The following DNAH9 variants were observed in gnomAD, a reference collection of about 807,000 sequenced individuals.
The protein encoded by DNAH9 is dynein axonemal heavy chain 9.
DNAH9 carries 345 observed loss-of-function variants against 471.6 expected under a neutral mutation model. The ratio of observed to expected loss-of-function variants is 0.73; its 90% confidence interval spans 0.67 to 0.80. The LOEUF (loss-of-function observed/expected upper bound fraction) is 0.80, where lower values mean the gene tolerates loss of function less well. Among genes scored for constraint, DNAH9 ranks in the 30% least tolerant of loss-of-function variants. The probability of loss-of-function intolerance (pLI) is 0.00; values close to 1 mark genes in which losing one functional copy is unlikely to be tolerated. For missense variants in DNAH9, 5,407 were observed against 5,609.2 expected, an observed-to-expected ratio of 0.96 and a Z score of 1.15; for synonymous variants, 2,093 against 2,123.6, an observed-to-expected ratio of 0.99 and a Z score of 0.40.
intron 17 of DNAH9, among the ~76,000 whole-genome samples, chr17:11,673,154 A>G (rs1432967887): frequency 6.6e-6 from 1 of 152,084 alleles, no homozygotes; most frequent in Admixed American, 6.6e-5. Flanking sequence ...GGCCCTTCAC[A>G]TTTTCCTAGA....
chr17:11,634,873 A>G (rs543290229), intron 8 of DNAH9, among the ~76,000 whole-genome samples: 8 of 152,310 alleles, frequency 5.3e-5, no homozygotes, highest in Admixed American at 4.6e-4. Context: ...GCTGATGCCA[A>G]TCAGCTCCTA....
intron 45 of DNAH9, among the ~76,000 whole-genome samples, chr17:11,817,375 A>G (rs1395417908): frequency 6.6e-6 from 1 of 152,230 alleles, no homozygotes; most frequent in East Asian, 1.9e-4. Context: ...TCATTTGAGC[A>G]CGGAAAATGT....
At chr17:11,605,690 A>T (rs2072489952) in intron 1 of DNAH9, among the ~76,000 whole-genome samples, 1 of 109,734 alleles carries the variant, frequency 9.1e-6, no homozygotes, top group African/African-American at 3.4e-5. Context: ...TTTTTTGTAC[A>T]GATGAGGTCT....
At chr17:11,864,623 G>A (rs1971976887) in intron 50 of DNAH9, among the ~76,000 whole-genome samples, 1 of 152,128 alleles carries the variant, frequency 6.6e-6, no homozygotes, top group Non-Finnish European at 1.5e-5. Flanking sequence ...ACAGTGGGGT[G>A]TTAAAGTCTC....
chr17:11,707,714 G>C (rs937733773), intron 26 of DNAH9, among the ~76,000 whole-genome samples: 1 of 151,978 alleles, frequency 6.6e-6, no homozygotes, highest in Non-Finnish European at 1.5e-5. Context: ...CTCTGCATGA[G>C]ACTTGGTAGT....
intron 43 of DNAH9, among the ~76,000 whole-genome samples, chr17:11,802,758 A>G (rs997015905): frequency 6.6e-6 from 1 of 151,702 alleles, no homozygotes; most frequent in Non-Finnish European, 1.5e-5. Context: ...ACCTATTTTT[A>G]TAATAACTCC....
chr17:11,876,525 G>C (rs1972491379), intron 53 of DNAH9, among the ~76,000 whole-genome samples: 1 of 152,164 alleles, frequency 6.6e-6, no homozygotes, highest in Non-Finnish European at 1.5e-5. Context: ...AATCTTTAAA[G>C]TGTTATGCAG....
intron 26 of DNAH9, among the ~76,000 whole-genome samples, chr17:11,707,037 A>G (rs1358727528): frequency 6.6e-6 from 1 of 152,274 alleles, no homozygotes; most frequent in Non-Finnish European, 1.5e-5. Flanking sequence ...TTCATCTGAC[A>G]GCACAACACA....
intron 12 of DNAH9, among the ~76,000 whole-genome samples, chr17:11,650,658 A>T (rs535485926): frequency 6.6e-6 from 1 of 152,340 alleles, no homozygotes; most frequent in African/African-American, 2.4e-5. Context: ...TCTGAACTTG[A>T]GGCTTCTCAT....
At chr17:11,914,416 A>G (rs183957890) in intron 61 of DNAH9, among the ~76,000 whole-genome samples, 78 of 152,326 alleles carry the variant, frequency 5.1e-4, no homozygotes, top group Non-Finnish European at 9.0e-4. Context: ...CTAGGAAGCT[A>G]TCATCCTGGG....
chr17:11,733,512 A>T (rs2075299795), intron 28 of DNAH9, among the ~76,000 whole-genome samples: 1 of 152,228 alleles, frequency 6.6e-6, no homozygotes, highest in Non-Finnish European at 1.5e-5. Context: ...GCTTGTGCAG[A>T]TAACAAGGTT....
At chr17:11,660,354 G>C (rs1009591044) in intron 14 of DNAH9, among the ~76,000 whole-genome samples, 1 of 110,628 alleles carries the variant, frequency 9.0e-6, no homozygotes, top group African/African-American at 3.5e-5. Context: ...ACAGAGTCTT[G>C]CTCTGTCCCC....
intron 42 of DNAH9, among the ~76,000 whole-genome samples, chr17:11,796,887 C>T (rs879371194): frequency 2.4e-4 from 36 of 152,286 alleles, no homozygotes; most frequent in Admixed American, 5.2e-4. Flanking sequence ...GGTGAAGAGA[C>T]GCAGACTCCT....
At chr17:11,674,450 AG>A (rs1466016384) in intron 17 of DNAH9, among the ~76,000 whole-genome samples, 4 of 152,182 alleles carry the variant, frequency 2.6e-5, no homozygotes, top group Admixed American at 1.3e-4. Context: ...GAGTATAAAA[AG>A]GTCCTCATCT....
chr17:11,810,485 A>G lies in DNAH9; in HGVS notation c.8707+116A>G, dbSNP rs2150927769. On this transcript the variant is annotated intron_variant, in intron 45 of 68. Coordinates refer to ENST00000262442, the MANE Select transcript of DNAH9 (RefSeq NM_001372.4). The stretch of plus-strand genomic sequence containing the variant: ...GTAAGGTCATAGTAATGAGGAAGAA[A>G]ACTGACACAGCCAAGGACTGGTTCA... 3.0e-6 allele frequency: 4 copies of G among 1,344,650 alleles called. No homozygotes were observed. In the East Asian group the frequency reaches 9.8e-5, roughly 33 times the overall value. 83.3% of individuals were successfully genotyped at this position (1,344,650 alleles called of 1,614,324 possible).
At chr17:11,770,218 C>A (rs1968147400) in intron 38 of DNAH9, among the ~76,000 whole-genome samples, 1 of 152,188 alleles carries the variant, frequency 6.6e-6, no homozygotes, top group Non-Finnish European at 1.5e-5. Context: ...ATCACCCAGG[C>A]CTTAGGCCAG....
At chr17:11,754,954 G>GT (rs1967312171) in intron 33 of DNAH9, among the ~76,000 whole-genome samples, 1 of 152,124 alleles carries the variant, frequency 6.6e-6, no homozygotes, top group South Asian at 2.1e-4. Context: ...GGCTTTTATA[G>GT]TTTTGGATTT....
chr17:11,812,011 A>T (rs1169894814), intron 45 of DNAH9, among the ~76,000 whole-genome samples: 2 of 61,532 alleles, frequency 3.3e-5, no homozygotes, highest in East Asian at 4.1e-4. Flanking sequence ...AAAAAAAAAA[A>T]AAAAAAAAAA....
chr17:11,840,733 T>C (rs1971003827), intron 49 of DNAH9, among the ~76,000 whole-genome samples: 1 of 151,918 alleles, frequency 6.6e-6, no homozygotes, highest in Admixed American at 6.6e-5. Context: ...AGAAAAAAGG[T>C]CGGGAGAAGG....
Sources: gnomAD v4.1 joint callset for allele counts (sites outside exome capture counted in the v4.1 genomes callset) on GRCh38, gnomAD v4.1.1 for gene constraint, MANE v1.5 for transcripts, NCBI Gene and HGNC (gene_info 2026-07-23, HGNC 2026-07-21) for gene names.